Variants in FNIP2 observed in about 807,000 individuals in gnomAD.
FNIP2 encodes folliculin interacting protein 2.
FNIP2 carries 32 observed loss-of-function variants against 108.7 expected under a neutral mutation model. The ratio of observed to expected loss-of-function variants is 0.29; its 90% CI spans 0.22 to 0.40. The LOEUF (loss-of-function observed/expected upper bound fraction) is 0.40. Ranked by LOEUF, FNIP2 falls within the 10% of genes least tolerant of loss-of-function variation. FNIP2 has a pLI of 1.00. For missense variants in FNIP2, 1,202 were observed against 1,381.6 expected, an observed-to-expected ratio of 0.87 and a Z score of 2.06; for synonymous variants, 480 against 496.7, an observed-to-expected ratio of 0.97 and a Z score of 0.45.
At chr4:158,795,522 T>TG (rs1776557834) in intron 1 of FNIP2, among the ~76,000 whole-genome samples, 1 of 152,226 alleles carries the variant, frequency 6.6e-6, no homozygotes, top group Non-Finnish European at 1.5e-5. Flanking sequence ...CACTAAACTT[T>TG]GAAAATTATT....
At chr4:158,893,891 A>G (rs188144435) in intron 15 of FNIP2, among the ~76,000 whole-genome samples, 353 of 152,340 alleles carry the variant, frequency 2.3e-3, no homozygotes, top group Non-Finnish European at 3.8e-3. Flanking sequence ...AGTGTGTTCA[A>G]GCACTTACTA....
intron 1 of FNIP2, among the ~76,000 whole-genome samples, chr4:158,812,896 C>A (rs1326520689): frequency 6.6e-6 from 1 of 151,130 alleles, no homozygotes; most frequent in East Asian, 1.9e-4. Context: ...ATTCATCCTT[C>A]CCTCCCTCTC....
intron 15 of FNIP2, chr4:158,893,631 T>C (rs563856075): frequency 1.5e-6 from 2 of 1,334,726 alleles, no homozygotes; most frequent in Admixed American, 2.0e-5. Context: ...ATTATTATGA[T>C]CTTATTTTTT....
At chr4:158,817,714 A>C (rs1160742597) in intron 1 of FNIP2, among the ~76,000 whole-genome samples, 1 of 152,044 alleles carries the variant, frequency 6.6e-6, no homozygotes, top group African/African-American at 2.4e-5. Context: ...TGCCTGGCTA[A>C]TTTTTATACT....
At chr4:158,824,856 G>T (rs903633910) in intron 1 of FNIP2, among the ~76,000 whole-genome samples, 1 of 151,988 alleles carries the variant, frequency 6.6e-6, no homozygotes, top group Non-Finnish European at 1.5e-5. Flanking sequence ...CCTATGGTGC[G>T]CATCATTTGT....
At chr4:158,848,275 G>C (rs910526539) in intron 7 of FNIP2, among the ~76,000 whole-genome samples, 1 of 152,180 alleles carries the variant, frequency 6.6e-6, no homozygotes, top group Non-Finnish European at 1.5e-5. Context: ...TCCAGCTCTA[G>C]GCAGCTCAGC....
intron 9 of FNIP2, 37 bp from the exon 10 acceptor site, chr4:158,859,541 C>A (rs1780167548): frequency 6.5e-7 from 1 of 1,543,304 alleles, no homozygotes; most frequent in Non-Finnish European, 8.9e-7. Context: ...TATAAAATTT[C>A]TTCTCAGTAA....
intron 16 of FNIP2, among the ~76,000 whole-genome samples, chr4:158,901,928 G>C (rs935302800): frequency 9.9e-5 from 15 of 151,908 alleles, no homozygotes; most frequent in Non-Finnish European, 2.1e-4. Context: ...CATTGGGTTA[G>C]AACATGCTTC....
chr4:158,896,985 TCCCACCCCCAGCCC>T (rs942385214), intron 16 of FNIP2, among the ~76,000 whole-genome samples: 7 of 152,082 alleles, frequency 4.6e-5, no homozygotes, highest in Admixed American at 4.6e-4. Flanking sequence ...CCTAATGCTA[TCCCACCCCCAGCCC>T]CCCACCCGCC....
In FNIP2 at chr4:158,868,300, C is replaced by T. The variant is rs1384063293; in HGVS notation, c.1664C>T (p.Thr555Ile). The change falls in exon 13 of 17, where the codon ACA (threonine) becomes ATA (isoleucine). Residue 555 changes from threonine to isoleucine, a missense_variant. Thr to Ile is a moderately conservative substitution (Grantham distance 89, BLOSUM62 -1). Coordinates refer to ENST00000264433, the MANE Select transcript of FNIP2 (RefSeq NM_020840.3). This position sits in a 1 kb window ranked among gnomAD's most constrained non-coding sequence, Gnocchi z 4.6. ...GTTTTAAATGGGAGCAAGATCATAA[C>T]AGCCTTGGAGAAAGGAGAGGTGGAG... ...DQVLNGSKII[T>I]ALEKGEVEES... 2.5e-6 allele frequency: 4 copies of T among 1,614,062 alleles called. No homozygotes were observed. The highest frequency in any genetic ancestry group is 3.4e-6 in the Non-Finnish European group (4 of 1,179,906).
At chr4:158,797,755 G>A (rs1331957379) in intron 1 of FNIP2, among the ~76,000 whole-genome samples, 3 of 152,132 alleles carry the variant, frequency 2.0e-5, no homozygotes, top group Non-Finnish European at 4.4e-5. Flanking sequence ...GATTAGGGTG[G>A]TAGCAGTGGA....
rs1189950054 is a variant in FNIP2, at chr4:158,859,610, A to G, written c.1092A>G (p.Ser364=). 1 of 1,613,578 alleles carries G rather than the reference A, an allele frequency of 6.2e-7. No individual in the cohort carries two copies. The highest frequency in any genetic ancestry group is 8.5e-7 in the Non-Finnish European group (1 of 1,179,712). Residue 364 remains serine, a synonymous_variant, in exon 10 of 17, where the codon TCA becomes TCG. Transcript: ENST00000264433. Reference sequence around the variant, plus strand: ...TCTCCTGTAGGAAAATAGCAGAATCAAGTCTCCGAGTCCAGTTTTATGTCA... The same window carrying G: ...TCTCCTGTAGGAAAATAGCAGAATCGAGTCTCCGAGTCCAGTTTTATGTCA... The part of the protein sequence containing the change: ...AMISCRKIAE[S]SLRVQFYVSR...
chr4:158,897,483 C>T (rs1782797952), intron 16 of FNIP2, among the ~76,000 whole-genome samples: 1 of 152,198 alleles, frequency 6.6e-6, no homozygotes, highest in African/African-American at 2.4e-5. Flanking sequence ...TCCTATTTCT[C>T]CACATCCTCT....
chr4:158,799,151 A>G (rs1776681809), intron 1 of FNIP2, among the ~76,000 whole-genome samples: 1 of 152,208 alleles, frequency 6.6e-6, no homozygotes, highest in African/African-American at 2.4e-5. Context: ...TGGGCATGTG[A>G]GCTGCTGCTT....
intron 1 of FNIP2, among the ~76,000 whole-genome samples, chr4:158,804,639 C>T (rs911866738): frequency 1.3e-5 from 2 of 152,114 alleles, no homozygotes; most frequent in African/African-American, 4.8e-5. Context: ...TCTTTAAATC[C>T]TGCTTCAAGT....
chr4:158,769,389 CG>C (rs1231300472), intron 1 of FNIP2, 70 bp downstream of exon 1: 1 of 1,095,086 alleles, frequency 9.1e-7, no homozygotes, highest in East Asian at 3.7e-5. Flanking sequence ...GGGGAGGGGA[CG>C]GGTAGGGGAA....
chr4:158,895,857 C>T lies in FNIP2; in HGVS notation c.3258C>T (p.Val1086=), dbSNP rs1782623504. 8.1e-6 allele frequency: 13 copies of T among 1,610,346 alleles called. No homozygotes were observed. Among genetic ancestry groups the T allele is most frequent in the Non-Finnish European group, 9.3e-6 (11 of 1,177,482 alleles). The change falls in exon 16 of 17, where the codon GTC becomes GTT. Residue 1086 remains valine (V), a synonymous_variant. Coordinates refer to ENST00000264433, the MANE Select transcript of FNIP2 (RefSeq NM_020840.3). ...GAGTCCATGTGAAAGAATTAGGTGT[C>T]GTACTGGGGTGAGTTCTGTGAAGTG... ...HTRVHVKELG[V]VLGIESNDLP...
rs1414711594 is a variant in FNIP2, at chr4:158,832,105, C to G, written c.521C>G (p.Ala174Gly). 2.5e-6 allele frequency: 4 copies of G among 1,613,822 alleles called. No individual in the cohort carries two copies. Among genetic ancestry groups the G allele is most frequent in the South Asian group, 2.2e-5 (2 of 91,058 alleles). ...CTGATGATTAGTAAAGTCTTCTCTG[C>G]TAGAATGGGCAGCTTCTGTGGAAGT... is the stretch of plus-strand genomic sequence containing the variant. ...PQLMISKVFS[A>G]RMGSFCGSTN... Residue 174 changes from alanine (A) to glycine (G), a missense_variant, in exon 5 of 17, where the codon GCT (alanine) becomes GGT (glycine). Ala to Gly is a moderately conservative substitution (Grantham distance 60, BLOSUM62 0). Around this residue, in one of 5 missense-constraint regions of FNIP2, gnomAD observed 878 missense variants for 990.3 expected, o/e 0.89. Coordinates refer to ENST00000264433, the MANE Select transcript of FNIP2 (RefSeq NM_020840.3).
intron 8 of FNIP2, 31 bp downstream of exon 8, chr4:158,851,481 A>G: frequency 1.2e-6 from 2 of 1,613,526 alleles, no homozygotes; most frequent in Non-Finnish European, 1.7e-6. Flanking sequence ...TGCTGAGAAA[A>G]GTAGGAGTGT....
Sources: allele counts gnomAD v4.1 joint callset (sites outside exome capture counted in the v4.1 genomes callset), GRCh38; gene constraint gnomAD v4.1.1; regional missense constraint gnomAD v4.1.1; non-coding constraint Gnocchi (gnomAD v3.1); transcripts MANE v1.5; gene names NCBI Gene and HGNC (gene_info 2026-07-23, HGNC 2026-07-21).